Variants in ABLIM1 observed in about 807,000 individuals in gnomAD.
ABLIM1 encodes actin-binding LIM protein 1.
A neutral mutation model predicts 107.0 loss-of-function variants in ABLIM1; 40 were observed. The ratio of observed to expected loss-of-function variants is 0.37; its 90% confidence interval spans 0.29 to 0.49. The LOEUF (loss-of-function observed/expected upper bound fraction) is 0.49. ABLIM1 is among the 20% of genes least tolerant of loss of function. The probability of loss-of-function intolerance (pLI) is 0.97; values close to 1 mark genes in which losing one functional copy is unlikely to be tolerated. For missense variants in ABLIM1, 857 were observed against 1,008.5 expected (o/e 0.85, Z 2.04); for synonymous variants, 357 against 357.3 (o/e 1.00, Z 0.01).
intron 4 of ABLIM1, among the ~76,000 whole-genome samples, chr10:114,551,292 T>C (rs2068030104): frequency 6.6e-6 from 1 of 152,256 alleles, no homozygotes; most frequent in Admixed American, 6.5e-5. Context: ...ACCACCTCAG[T>C]GCCCAGACAT....
intron 1 of ABLIM1, among the ~76,000 whole-genome samples, chr10:114,612,996 C>G (rs1385046577): frequency 1.3e-5 from 2 of 152,200 alleles, no homozygotes; most frequent in Non-Finnish European, 2.9e-5. Context: ...ATTGAGGTGT[C>G]TCTTTGTGGC....
At chr10:114,678,168 T>G (rs1035659296) in intron 1 of ABLIM1, among the ~76,000 whole-genome samples, 1 of 152,176 alleles carries the variant, frequency 6.6e-6, no homozygotes, top group African/African-American at 2.4e-5. Context: ...TTTTTCCTCA[T>G]TCTCCAGCTA....
intron 6 of ABLIM1, among the ~76,000 whole-genome samples, chr10:114,517,627 A>G (rs1411488757): frequency 1.3e-5 from 2 of 152,208 alleles, no homozygotes; most frequent in African/African-American, 2.4e-5. Context: ...GGGGGGCCAC[A>G]GTACAATGTG....
At chr10:114,623,673 C>A (rs764706698) in intron 1 of ABLIM1, among the ~76,000 whole-genome samples, 1 of 152,194 alleles carries the variant, frequency 6.6e-6, no homozygotes, top group Non-Finnish European at 1.5e-5. Context: ...AAATCTCAGG[C>A]CTTCTCCCAG....
At chr10:114,606,505 AT>A (rs1468734406) in intron 1 of ABLIM1, among the ~76,000 whole-genome samples, 2 of 152,180 alleles carry the variant, frequency 1.3e-5, no homozygotes, top group Non-Finnish European at 2.9e-5. Context: ...AAGTGCTGAG[AT>A]TACAGGCGTA....
intron 1 of ABLIM1, among the ~76,000 whole-genome samples, chr10:114,723,567 C>T (rs1453581810): frequency 1.3e-5 from 2 of 152,238 alleles, no homozygotes; most frequent in Non-Finnish European, 1.5e-5. Flanking sequence ...CAAAATGTCA[C>T]CAACCTATTA....
At position 114,463,016 on chromosome 10, in the gene ABLIM1, G is replaced by A. The variant is rs757781459; in HGVS notation, c.1441+2682C>T. 3.8e-6 allele frequency: 5 copies of A among 1,313,300 alleles called. No homozygotes were observed. In the South Asian group the frequency reaches 6.1e-5, roughly 16 times the overall value. 81.4% of individuals were successfully genotyped at this position (1,313,300 alleles called of 1,614,324 possible). ...TGCTAATAAATCTCCACTATGCAGG[G>A]TGCTGCCTGGAGAAACCTGCCTCCT... On this transcript the variant is annotated intron_variant, in intron 12 of 22. Transcript: ENST00000533213.
chr10:114,448,174 G>A (rs746062963), intron 14 of ABLIM1, 154 bp from the exon 15 acceptor site: 1 of 921,748 alleles, frequency 1.1e-6, no homozygotes, highest in Non-Finnish European at 1.6e-6. Flanking sequence ...GTCACTCAGA[G>A]GTACCTATTG....
the ABLIM1 span, among the ~76,000 whole-genome samples, chr10:114,794,029 C>T: frequency 6.6e-6 from 1 of 152,220 alleles, no homozygotes; most frequent in Non-Finnish European, 1.5e-5. Context: ...CTTTCCATCT[C>T]CTGTAGGCAC....
intron 1 of ABLIM1, chr10:114,631,783 T>C (rs2078193746): frequency 1.8e-6 from 2 of 1,088,082 alleles, no homozygotes; most frequent in Non-Finnish European, 2.4e-6. Flanking sequence ...ATACGGAGCT[T>C]CTCACACCGA....
chr10:114,685,619 G>A (rs1479535222), upstream of ABLIM1, among the ~76,000 whole-genome samples: 3 of 152,156 alleles, frequency 2.0e-5, no homozygotes, highest in African/African-American at 7.2e-5. Context: ...ACGTCCTCCT[G>A]ACTTGGCTGT....
chr10:114,493,129 G>A (rs2059228689), intron 6 of ABLIM1, among the ~76,000 whole-genome samples: 1 of 152,154 alleles, frequency 6.6e-6, no homozygotes, highest in South Asian at 2.1e-4. Flanking sequence ...GAGAAGGCGG[G>A]AAATATCAAC....
intron 12 of ABLIM1, among the ~76,000 whole-genome samples, chr10:114,461,688 G>A (rs2063949368): frequency 6.6e-6 from 1 of 151,922 alleles, no homozygotes; most frequent in Admixed American, 6.6e-5. Flanking sequence ...GTGTGGTGGT[G>A]CACACCTGTA....
At chr10:114,484,186 T>C (rs2057824594) in intron 8 of ABLIM1, among the ~76,000 whole-genome samples, 1 of 152,204 alleles carries the variant, frequency 6.6e-6, no homozygotes, top group African/African-American at 2.4e-5. Flanking sequence ...CAATCCTAGC[T>C]CTTCCACTTA....
At chr10:114,490,762 T>C (rs2135019454) in intron 7 of ABLIM1, among the ~76,000 whole-genome samples, 1 of 151,586 alleles carries the variant, frequency 6.6e-6, no homozygotes, top group East Asian at 1.9e-4. Context: ...ATCAGTTTCA[T>C]AAAAACTATG....
At chr10:114,760,404 TCACACACACACACACACACACA>T (rs3981296) in intron 1 of ABLIM1, among the ~76,000 whole-genome samples, 2 of 143,738 alleles carry the variant, frequency 1.4e-5, no homozygotes, top group African/African-American at 5.2e-5. Flanking sequence ...AATTTCTCCT[TCACACACACACACACACACACA>T]CACACACACA....
Position 114,725,731 on chromosome 10 carries a change from T to C in ABLIM1, c.-213+42330A>G, listed in dbSNP as rs535519526. Among the ~76,000 whole-genome samples, 1,189 of 138,400 alleles carry C rather than the reference T, an allele frequency of 8.6e-3. 11 individuals carry two copies. Among genetic ancestry groups the C allele is most frequent in the African/African-American group, 0.032 (1,149 of 35,632 alleles). 90.8% of individuals were successfully genotyped at this position (138,400 alleles called of 152,430 possible). A position where few individuals can be genotyped will look rare whatever the true frequency, so the allele number is the denominator to read the frequency against. On this transcript the variant is annotated intron_variant, in intron 1 of 15. Coordinates refer to the ABLIM1 transcript ENST00000651092. ...TATATATATTTACATATGATATATA[T>C]AAAATGTGTGTGTGTGTGTGTGTGT...
At chr10:114,632,394 A>G (rs1166692973) in intron 1 of ABLIM1, 1 of 985,310 alleles carries the variant, frequency 1.0e-6, no homozygotes, top group Non-Finnish European at 1.2e-6. Flanking sequence ...AAGTAAAACT[A>G]GTCAATGGTT....
intron 1 of ABLIM1, among the ~76,000 whole-genome samples, chr10:114,642,974 A>G (rs1439212513): frequency 6.6e-6 from 1 of 152,230 alleles, no homozygotes; most frequent in Non-Finnish European, 1.5e-5. Context: ...TACACCTGCC[A>G]AAACGTCGTT....
Sources: allele counts gnomAD v4.1 joint callset (sites outside exome capture counted in the v4.1 genomes callset), GRCh38; gene constraint gnomAD v4.1.1; transcripts MANE v1.5; gene names NCBI Gene and HGNC (gene_info 2026-07-23, HGNC 2026-07-21).